Variants in LDB2 observed in about 807,000 individuals in gnomAD.
The protein encoded by LDB2 is LIM domain-binding protein 2.
A neutral mutation model predicts 44.3 loss-of-function variants in LDB2; 12 were observed. The ratio of observed to expected loss-of-function variants is 0.27; its 90% CI spans 0.17 to 0.44. The LOEUF (loss-of-function observed/expected upper bound fraction) is 0.44. LDB2 is among the 20% of genes least tolerant of loss of function. The pLI, the probability that LDB2 is intolerant of heterozygous loss-of-function variation, is 1.00. For synonymous variants in LDB2, 164 were observed against 174.8 expected, an observed-to-expected ratio of 0.94 and a Z score of 0.49; for missense variants, 344 against 473.5, an observed-to-expected ratio of 0.73 and a Z score of 2.54.
intron 2 of LDB2, among the ~76,000 whole-genome samples, chr4:16,701,502 A>G (rs1309162529): frequency 6.6e-6 from 1 of 152,252 alleles, no homozygotes; most frequent in African/African-American, 2.4e-5. Context: ...ACTCTTCATT[A>G]GGCACAAGGC....
At chr4:16,557,291 G>A (rs988588289) in intron 5 of LDB2, among the ~76,000 whole-genome samples, 1 of 152,324 alleles carries the variant, frequency 6.6e-6, no homozygotes, top group South Asian at 2.1e-4. Flanking sequence ...AGGGGTCAGG[G>A]AGTTCCCTTT....
chr4:16,508,748 G>A (rs1720554382), intron 6 of LDB2, 62 bp from the exon 7 acceptor site: 5 of 1,519,612 alleles, frequency 3.3e-6, no homozygotes, highest in Admixed American at 1.8e-5. Flanking sequence ...GCAATCATCA[G>A]TATGGTTACT....
chr4:16,731,308 T>C (rs1264935678), intron 2 of LDB2, among the ~76,000 whole-genome samples: 1 of 152,170 alleles, frequency 6.6e-6, no homozygotes, highest in Non-Finnish European at 1.5e-5. Context: ...TTCCGAAATA[T>C]GGGTTCACTT....
intron 1 of LDB2, among the ~76,000 whole-genome samples, chr4:16,870,012 T>A (rs779998488): frequency 6.6e-6 from 1 of 152,166 alleles, no homozygotes; most frequent in African/African-American, 2.4e-5. Context: ...CATGAGCCTA[T>A]GTGAGTGGGT....
intron 5 of LDB2, among the ~76,000 whole-genome samples, chr4:16,522,497 G>A (rs962601133): frequency 6.6e-6 from 1 of 152,110 alleles, no homozygotes; most frequent in Non-Finnish European, 1.5e-5. Flanking sequence ...GGTATTATAA[G>A]TAATCTGGAG....
chr4:16,869,549 G>A (rs768212834), intron 1 of LDB2, among the ~76,000 whole-genome samples: 1 of 152,138 alleles, frequency 6.6e-6, no homozygotes, highest in Non-Finnish European at 1.5e-5. Flanking sequence ...CTATCAACGT[G>A]CATTTACAAA....
At chr4:16,582,000 G>GGGAAGGAAGGGAAGGAAGGAA (rs1553912526) in intron 5 of LDB2, among the ~76,000 whole-genome samples, 11 of 103,890 alleles carry the variant, frequency 1.1e-4, no homozygotes, top group African/African-American at 3.4e-4. Flanking sequence ...AGGGAAGGAA[G>GGGAAGGAAGGGAAGGAAGGAA]GGAAGGAAGG....
chr4:16,773,622 T>C (rs1478062870), intron 1 of LDB2, among the ~76,000 whole-genome samples: 2 of 152,126 alleles, frequency 1.3e-5, no homozygotes, highest in Admixed American at 1.3e-4. Context: ...CGGCTGTAAA[T>C]ACAGATGAAG....
intron 2 of LDB2, among the ~76,000 whole-genome samples, chr4:16,691,095 G>C (rs1250686710): frequency 6.6e-6 from 1 of 151,976 alleles, no homozygotes; most frequent in African/African-American, 2.4e-5. Context: ...CCAAATCTTA[G>C]AGGTGAGGAA....
At chr4:16,696,064 A>G (rs1752057228) in intron 2 of LDB2, among the ~76,000 whole-genome samples, 1 of 152,324 alleles carries the variant, frequency 6.6e-6, no homozygotes, top group African/African-American at 2.4e-5. Context: ...GCAGAGACAG[A>G]GTAGGCAATG....
chr4:16,783,641 C>T (rs1235026967), intron 1 of LDB2, among the ~76,000 whole-genome samples: 1 of 152,220 alleles, frequency 6.6e-6, no homozygotes, highest in Non-Finnish European at 1.5e-5. Context: ...AGTTTGGTGG[C>T]AGGGATATGA....
chr4:16,789,493 T>A (rs566628027), intron 1 of LDB2, among the ~76,000 whole-genome samples: 1 of 152,320 alleles, frequency 6.6e-6, no homozygotes, highest in East Asian at 1.9e-4. Context: ...CGGGACCATC[T>A]AGAGGAAGTT....
At chr4:16,718,352 T>C (rs920916538) in intron 2 of LDB2, among the ~76,000 whole-genome samples, 2 of 152,128 alleles carry the variant, frequency 1.3e-5, no homozygotes, top group Non-Finnish European at 2.9e-5. Flanking sequence ...TTTCAATCCA[T>C]TGAATATGTC....
rs145150083 is a variant in LDB2, at chr4:16,595,640, T to C, written c.408+63A>G. On this transcript the variant is annotated intron_variant, in intron 3 of 7. Transcript: ENST00000304523. Reference sequence around the variant, plus strand: ...CCCAGGTTCCATAGGAAAACCATAATTATTATTCTTTAATGCTCTCAGAGT... The same window carrying C: ...CCCAGGTTCCATAGGAAAACCATAACTATTATTCTTTAATGCTCTCAGAGT... 2.9e-4 allele frequency: 425 copies of C among 1,470,602 alleles called. 4 individuals carry two copies. The East Asian group carries it at 7.7e-3, about 27-fold the overall frequency. The allele number at this position is 1,470,602 out of a possible 1,614,324, so 91.1% of individuals were successfully genotyped here.
chr4:16,702,304 G>A (rs1431266653), intron 2 of LDB2, among the ~76,000 whole-genome samples: 1 of 152,182 alleles, frequency 6.6e-6, no homozygotes, highest in African/African-American at 2.4e-5. Context: ...AACTTGGAAA[G>A]TTCTCTTATG....
At chr4:16,708,212 G>A (rs534778) in intron 2 of LDB2, among the ~76,000 whole-genome samples, 2,687 of 152,090 alleles carry the variant, frequency 0.018, 37 homozygotes, top group Non-Finnish European at 0.027. Context: ...GGGTGTGGTG[G>A]CACACACACC....
chr4:16,683,711 G>T (rs972646204), intron 2 of LDB2, among the ~76,000 whole-genome samples: 1 of 152,184 alleles, frequency 6.6e-6, no homozygotes. Flanking sequence ...TAGCATATTC[G>T]TTAATGTTAG....
chr4:16,744,266 C>T (rs1169084210), intron 2 of LDB2, among the ~76,000 whole-genome samples: 2 of 151,740 alleles, frequency 1.3e-5, no homozygotes, highest in Non-Finnish European at 2.9e-5. Flanking sequence ...AAGTGATTCT[C>T]GTGCCTCAGC....
intron 2 of LDB2, among the ~76,000 whole-genome samples, chr4:16,720,736 C>T (rs1293320585): frequency 3.3e-5 from 5 of 152,172 alleles, no homozygotes; most frequent in Non-Finnish European, 7.3e-5. Context: ...ACTACTTCTA[C>T]TATTTCTAAG....
Sources: gnomAD v4.1 joint callset for allele counts (sites outside exome capture counted in the v4.1 genomes callset) on GRCh38, gnomAD v4.1.1 for gene constraint, MANE v1.5 for transcripts, NCBI Gene and HGNC (gene_info 2026-07-23, HGNC 2026-07-21) for gene names.